The following VPS13D variants were observed in gnomAD, a reference collection of about 807,000 sequenced individuals.
The protein encoded by VPS13D is vacuolar protein sorting 13 homolog D.
A neutral mutation model predicts 461.9 loss-of-function variants in VPS13D; 187 were observed. That is an observed-to-expected ratio of 0.40 (90% CI 0.36 to 0.46). VPS13D has a LOEUF of 0.46. Ranked by LOEUF, VPS13D falls within the 20% of genes least tolerant of loss-of-function variation. The pLI, the probability that VPS13D is intolerant of heterozygous loss-of-function variation, is 0.60. For missense variants in VPS13D, 4,711 were observed against 5,364.9 expected, an observed-to-expected ratio of 0.88 and a Z score of 3.81; for synonymous variants, 1,951 against 1,986.3, an observed-to-expected ratio of 0.98 and a Z score of 0.47.
Position 12,249,289 on chromosome 1 carries a change from T to C in VPS13D, c.514T>C (p.Phe172Leu). The C allele has an allele frequency of 6.2e-7, 1 of 1,614,084 alleles. No homozygotes were observed. Among genetic ancestry groups the C allele is most frequent in the South Asian group, 1.1e-5 (1 of 91,054 alleles). ...CACCAATCCCTCCCATCCTTTTGCTTTTGGCATCTGCATTAAGAATGTGTC... is the reference window on the plus strand; with the variant it reads ...CACCAATCCCTCCCATCCTTTTGCTCTTGGCATCTGCATTAAGAATGTGTC... ...GVTNPSHPFA[F>L]GICIKNVSMQ... The change falls in exon 6 of 70, where the codon TTT becomes CTT. Residue 172 changes from phenylalanine to leucine, a missense_variant. This residue lies in a region of VPS13D where 4,411 missense variants were observed against 4,937.8 expected (regional missense o/e 0.89). Transcript: ENST00000620676.
At chr1:12,287,113 T>C (rs772806724) in intron 21 of VPS13D, among the ~76,000 whole-genome samples, 5 of 151,964 alleles carry the variant, frequency 3.3e-5, no homozygotes, top group Non-Finnish European at 4.4e-5. Flanking sequence ...ATCCTGCCTC[T>C]GCCTCCCAAA....
chr1:12,379,604 G>A lies in VPS13D; in HGVS notation c.11190+8G>A, dbSNP rs1644245638. The A allele has an allele frequency of 1.2e-6, 2 of 1,607,450 alleles. No individual in the cohort carries two copies. The highest frequency in any genetic ancestry group is 1.7e-6 in the Non-Finnish European group (2 of 1,175,544). On this transcript the variant is annotated splice_region_variant and intron_variant, in intron 57 of 69. Coordinates refer to ENST00000620676, the MANE Select transcript of VPS13D (RefSeq NM_015378.4). ...CATGGGTTGGTCGTCCAGGTCAGTC[G>A]TTTTTGATCCCCAATTGCAGCAAGC...
Position 12,256,371 on chromosome 1 carries a change from C to G in VPS13D, c.708C>G (p.His236Gln). The G allele has an allele frequency of 6.2e-7, 1 of 1,614,104 alleles. No individual in the cohort carries two copies. Among genetic ancestry groups the G allele is most frequent in the Admixed American group, 1.7e-5 (1 of 60,020 alleles). The change falls in exon 8 of 70, where the codon CAC (histidine) becomes CAG (glutamine). Residue 236 changes from histidine to glutamine, a missense_variant. Coordinates refer to ENST00000620676, the MANE Select transcript of VPS13D (RefSeq NM_015378.4). ...GGAGCATGGAGAGTCGCAGCCATCA[C>G]TACGTCCTGGAGCCTGTGTTTGCAT... The part of the protein sequence containing the change: ...MARSMESRSH[H>Q]YVLEPVFASA...
chr1:12,278,085 C>T lies in VPS13D; in HGVS notation c.4450+47C>T, dbSNP rs1641669740. Reference sequence around the variant, plus strand: ...TTCTATTTTGTTTAATGATTGAAAACCCAGCTCACGGAGTCCTTTGCGTAA... The same window carrying T: ...TTCTATTTTGTTTAATGATTGAAAATCCAGCTCACGGAGTCCTTTGCGTAA... On this transcript the variant is annotated intron_variant, in intron 19 of 69. Transcript: ENST00000620676. 1.9e-6 allele frequency: 3 copies of T among 1,540,686 alleles called. No homozygotes were observed. The African/African-American group carries it at 4.2e-5, about 21-fold the overall frequency.
rs375998336 is a variant in VPS13D, at chr1:12,345,547, G to C, written c.9021+38G>C. 46 of 1,587,850 alleles carry C rather than the reference G, an allele frequency of 2.9e-5. No homozygotes were observed. In the African/African-American group the frequency reaches 6.0e-4, roughly 21 times the overall value. On this transcript the variant is annotated intron_variant, in intron 43 of 69. Transcript: ENST00000620676. ...CAGGAAGTCAGATGGTTAAGCGACT[G>C]TCAGGAAGTCAGATGGTTAAGCCTG...
chr1:12,498,972 C>T (rs1217847192), intron 68 of VPS13D, among the ~76,000 whole-genome samples: 2 of 152,206 alleles, frequency 1.3e-5, no homozygotes, highest in African/African-American at 2.4e-5. Flanking sequence ...ACTCTGTCCA[C>T]AGCAGGTGTT....
rs752541041 is a variant in VPS13D at position 12,277,775 on chromosome 1, A to C, written c.4187A>C (p.Glu1396Ala). 2 of 1,614,122 alleles carry C rather than the reference A, an allele frequency of 1.2e-6. No homozygotes were observed. The highest frequency in any genetic ancestry group is 4.5e-5 in the East Asian group (2 of 44,882). Residue 1396 changes from glutamate to alanine, a missense_variant, in exon 19 of 70, where the codon GAG (glutamate) becomes GCG (alanine). Around this residue, in one of 3 missense-constraint regions of VPS13D, gnomAD observed 4,411 missense variants for 4,937.8 expected, o/e 0.89. Transcript: ENST00000620676. ...ATCCCTCGGAAGCCGGGGAGTCCTG[A>C]GTTGTTGGTGGGACACTTGGGACAG... ...VSIPRKPGSP[E>A]LLVGHLGQIF...
At chr1:12,401,525 C>T (rs1644580871) in intron 61 of VPS13D, 83 bp from the exon 62 acceptor site, 11 of 927,276 alleles carry the variant, frequency 1.2e-5, no homozygotes, top group South Asian at 3.5e-5. Flanking sequence ...GAAAGCATAC[C>T]ATGTCATTGA....
At chr1:12,432,093 T>C (rs535291818) in intron 65 of VPS13D, among the ~76,000 whole-genome samples, 20 of 152,236 alleles carry the variant, frequency 1.3e-4, no homozygotes, top group African/African-American at 4.8e-4. Flanking sequence ...TTCTAAAGGC[T>C]GTGTGAAAGA....
intron 23 of VPS13D, 22 bp from the exon 24 acceptor site, chr1:12,293,502 A>C: frequency 6.4e-7 from 1 of 1,566,088 alleles, no homozygotes; most frequent in Middle Eastern, 1.7e-4. Flanking sequence ...TATCTGAGTC[A>C]CACTTTTATC....
intron 60 of VPS13D, among the ~76,000 whole-genome samples, chr1:12,391,024 A>G (rs1468446981): frequency 6.6e-6 from 1 of 152,164 alleles, no homozygotes; most frequent in Non-Finnish European, 1.5e-5. Flanking sequence ...AGGTCCATCC[A>G]CATACCTATT....
At chr1:12,364,264 C>G (rs539673337) in intron 52 of VPS13D, among the ~76,000 whole-genome samples, 2 of 152,186 alleles carry the variant, frequency 1.3e-5, no homozygotes, top group African/African-American at 4.8e-5. Context: ...TACTTGGTGT[C>G]TATAAATTTG....
chr1:12,387,735 G>C (rs75308495), intron 60 of VPS13D, among the ~76,000 whole-genome samples: 1 of 152,292 alleles, frequency 6.6e-6, no homozygotes, highest in East Asian at 1.9e-4. Flanking sequence ...ACACTGGATG[G>C]AATATAGCAC....
chr1:12,486,834 G>A (rs899563627), intron 67 of VPS13D, among the ~76,000 whole-genome samples: 2 of 152,210 alleles, frequency 1.3e-5, no homozygotes, highest in South Asian at 2.1e-4. Context: ...TGTGGCCCTG[G>A]TCTGCCCCTT....
intron 46 of VPS13D, among the ~76,000 whole-genome samples, chr1:12,352,290 C>CA (rs1643813763): frequency 6.6e-6 from 1 of 150,764 alleles, no homozygotes; most frequent in East Asian, 2.0e-4. Flanking sequence ...GACTCTGTCT[C>CA]AAAAAAATAA....
chr1:12,490,436 A>G (rs528652813), intron 67 of VPS13D, among the ~76,000 whole-genome samples: 8 of 152,382 alleles, frequency 5.2e-5, no homozygotes, highest in African/African-American at 1.7e-4. Context: ...AGAAATTTTC[A>G]TCCTCTAATA....
chr1:12,355,846 T>C (rs1569989161), intron 47 of VPS13D, 53 bp from the exon 48 acceptor site: 6 of 1,452,526 alleles, frequency 4.1e-6, no homozygotes, highest in Non-Finnish European at 5.5e-6. Context: ...TGCTGTGAGC[T>C]ATTTTGACAA....
intron 67 of VPS13D, among the ~76,000 whole-genome samples, chr1:12,493,303 A>G (rs1395646878): frequency 2.0e-5 from 3 of 152,022 alleles, no homozygotes; most frequent in African/African-American, 7.2e-5. Context: ...TAACACGGTG[A>G]AACCCCGTCT....
At chr1:12,376,027 T>C (rs747850807) in intron 55 of VPS13D, among the ~76,000 whole-genome samples, 5 of 152,204 alleles carry the variant, frequency 3.3e-5, no homozygotes, top group Non-Finnish European at 7.3e-5. Flanking sequence ...CCTGGACAAA[T>C]GGGCAGGCAG....
Sources: gnomAD v4.1 joint callset for allele counts (sites outside exome capture counted in the v4.1 genomes callset) on GRCh38, gnomAD v4.1.1 for gene constraint, gnomAD v4.1.1 regional missense constraint, MANE v1.5 for transcripts, NCBI Gene and HGNC (gene_info 2026-07-23, HGNC 2026-07-21) for gene names.